Variants in NPAS3 observed in about 807,000 individuals in gnomAD.
The protein encoded by NPAS3 is neuronal PAS domain protein 3.
A neutral mutation model predicts 73.1 loss-of-function variants in NPAS3; 14 were observed. The ratio of observed to expected loss-of-function variants is 0.19; its 90% CI spans 0.13 to 0.30. NPAS3 has a LOEUF of 0.30. Ranked by LOEUF, NPAS3 falls within the 10% of genes least tolerant of loss-of-function variation. The pLI, the probability that NPAS3 is intolerant of heterozygous loss-of-function variation, is 1.00. For synonymous variants in NPAS3, 620 were observed against 541.5 expected (o/e 1.14, Z -2.01); for missense variants, 1,096 against 1,250.0 (o/e 0.88, Z 1.86).
chr14:33,752,246 AT>A (rs1013489101), intron 7 of NPAS3, among the ~76,000 whole-genome samples: 3 of 151,600 alleles, frequency 2.0e-5, no homozygotes, highest in South Asian at 2.1e-4. Context: ...ATTTTATTTT[AT>A]TTTTTTTCTT....
At chr14:33,110,693 A>G (rs752248097) in intron 2 of NPAS3, among the ~76,000 whole-genome samples, 10 of 152,132 alleles carry the variant, frequency 6.6e-5, no homozygotes, top group Non-Finnish European at 1.3e-4. Context: ...ATTCAGCACA[A>G]CATTTTTTCC....
At chr14:33,388,198 G>T (rs910675719) in intron 4 of NPAS3, among the ~76,000 whole-genome samples, 15 of 152,196 alleles carry the variant, frequency 9.9e-5, no homozygotes, top group Admixed American at 9.8e-4. Context: ...AGAAAAGTTG[G>T]CATTGGCATG....
chr14:33,328,570 G>A (rs1473638379), intron 3 of NPAS3, among the ~76,000 whole-genome samples: 4 of 141,468 alleles, frequency 2.8e-5, no homozygotes, highest in Admixed American at 1.5e-4. Flanking sequence ...TGGTTCAAGC[G>A]ATTCTCCTGC....
intron 1 of NPAS3, among the ~76,000 whole-genome samples, chr14:32,987,632 T>C (rs2038150880): frequency 6.6e-6 from 1 of 152,190 alleles, no homozygotes; most frequent in Non-Finnish European, 1.5e-5. Flanking sequence ...CAAATGATAA[T>C]AATTGATGAC....
In NPAS3 at chr14:33,163,532, T is replaced by G. The variant is rs949339235; in HGVS notation, c.141-51650T>G. On this transcript the variant is annotated intron_variant, in intron 2 of 11. Coordinates refer to ENST00000356141, the Ensembl canonical transcript of NPAS3. ...AAATCTTGTTAAACGTTTTAGCTATTGATATGGGCTGGATACTGAATTTAA... is the reference window on the plus strand; with the variant it reads ...AAATCTTGTTAAACGTTTTAGCTATGGATATGGGCTGGATACTGAATTTAA... 2.0e-5 allele frequency among the ~76,000 whole-genome samples: 3 copies of G among 152,224 alleles called. No homozygotes were observed. In the East Asian group the frequency reaches 5.8e-4, roughly 29 times the overall value.
At chr14:33,711,595 T>A (rs1372621129) in intron 6 of NPAS3, among the ~76,000 whole-genome samples, 3 of 152,212 alleles carry the variant, frequency 2.0e-5, no homozygotes, top group Non-Finnish European at 4.4e-5. Context: ...GCAGGATACT[T>A]ACAGTTGATT....
At chr14:33,282,557 G>A (rs539238218) in intron 3 of NPAS3, among the ~76,000 whole-genome samples, 3 of 152,142 alleles carry the variant, frequency 2.0e-5, no homozygotes, top group Admixed American at 1.3e-4. Flanking sequence ...TGTTTTAACC[G>A]TATTTCTAAA....
intron 7 of NPAS3, among the ~76,000 whole-genome samples, chr14:33,768,920 T>G (rs943163): frequency 6.6e-6 from 1 of 152,054 alleles, no homozygotes; most frequent in Non-Finnish European, 1.5e-5. Context: ...GGAAGCCATA[T>G]CCATTCTTTG....
intron 2 of NPAS3, among the ~76,000 whole-genome samples, chr14:33,063,173 G>C (rs1025116204): frequency 7.9e-5 from 12 of 152,158 alleles, no homozygotes; most frequent in African/African-American, 2.7e-4. Context: ...AGGTTGTTTT[G>C]AGGATGAATG....
chr14:33,494,618 T>C lies in NPAS3; in HGVS notation c.469-65503T>C, dbSNP rs189006123. 5.3e-5 allele frequency among the ~76,000 whole-genome samples: 8 copies of C among 152,228 alleles called. No individual in the cohort carries two copies. In the East Asian group the frequency reaches 1.4e-3, roughly 26 times the overall value. On this transcript the variant is annotated intron_variant, in intron 4 of 11. Coordinates refer to ENST00000356141, the Ensembl canonical transcript of NPAS3. Reference sequence around the variant, plus strand: ...TCTGAGAGAGACTTGTTCTAAGAGATGTAAAGTTTCAAAGGTCAGAAATAT... The same window carrying C: ...TCTGAGAGAGACTTGTTCTAAGAGACGTAAAGTTTCAAAGGTCAGAAATAT...
At position 33,410,030 on chromosome 14, in the gene NPAS3, T is replaced by G. The variant is rs559671369; in HGVS notation, c.468+42762T>G. On this transcript the variant is annotated intron_variant, in intron 4 of 11. Transcript: ENST00000356141. ...TTTGTAGCTCTAACATTGGCAAGTC[T>G]CATGTTGAGTTGATTTTTTTAAATC... is the stretch of plus-strand genomic sequence containing the variant. Among the ~76,000 whole-genome samples, 6 of 152,290 alleles carry G rather than the reference T, an allele frequency of 3.9e-5. No individual in the cohort carries two copies. In the South Asian group the frequency reaches 1.2e-3, roughly 32 times the overall value.
chr14:33,325,192 C>T (rs974229817), intron 3 of NPAS3, among the ~76,000 whole-genome samples: 26 of 151,848 alleles, frequency 1.7e-4, no homozygotes, highest in African/African-American at 6.1e-4. Flanking sequence ...TTTTTGTGGG[C>T]ACATAGTCCA....
At chr14:33,291,380 G>C (rs948309013) in intron 3 of NPAS3, among the ~76,000 whole-genome samples, 2 of 152,104 alleles carry the variant, frequency 1.3e-5, no homozygotes, top group African/African-American at 4.8e-5. Context: ...AGGTGAATCT[G>C]TTTTCTCTGA....
chr14:33,224,586 C>T (rs1850039939), intron 3 of NPAS3, among the ~76,000 whole-genome samples: 2 of 152,136 alleles, frequency 1.3e-5, no homozygotes, highest in African/African-American at 4.8e-5. Flanking sequence ...AAGTCAGTTA[C>T]AGAGTTGGAA....
At chr14:33,146,758 G>A (rs1274816331) in intron 2 of NPAS3, among the ~76,000 whole-genome samples, 2 of 152,230 alleles carry the variant, frequency 1.3e-5, no homozygotes, top group African/African-American at 4.8e-5. Context: ...CTCTCTGAAT[G>A]TTGGGATGCA....
At chr14:33,510,320 G>T (rs761036546) in intron 4 of NPAS3, among the ~76,000 whole-genome samples, 1 of 152,014 alleles carries the variant, frequency 6.6e-6, no homozygotes, top group African/African-American at 2.4e-5. Context: ...CCCAGGAAAG[G>T]AATTCAGGCT....
chr14:33,619,384 C>T (rs1265645683), intron 5 of NPAS3, among the ~76,000 whole-genome samples: 2 of 151,930 alleles, frequency 1.3e-5, no homozygotes, highest in Non-Finnish European at 2.9e-5. Flanking sequence ...AATAGGTTAG[C>T]CCATTATTGC....
At position 33,646,571 on chromosome 14, in the gene NPAS3, T is replaced by C. The variant is rs77900179; in HGVS notation, c.559-29640T>C. 2.6e-3 allele frequency among the ~76,000 whole-genome samples: 397 copies of C among 152,354 alleles called. 9 individuals are homozygous for C. In the East Asian group the frequency reaches 0.059, roughly 23 times the overall value. The stretch of plus-strand genomic sequence containing the variant: ...AGATTCATGCACTCATGTGATCTCA[T>C]AGTCCTTCATGGCTTGGGCCTGGAT... On this transcript the variant is annotated intron_variant, in intron 5 of 11. Coordinates refer to ENST00000356141, the Ensembl canonical transcript of NPAS3.
intron 1 of NPAS3, among the ~76,000 whole-genome samples, chr14:32,947,564 C>T (rs1317811906): frequency 6.6e-6 from 1 of 151,764 alleles, no homozygotes; most frequent in Non-Finnish European, 1.5e-5. Flanking sequence ...GTGTACACAG[C>T]ATATATATGT....
Sources: gnomAD v4.1 joint callset for allele counts (sites outside exome capture counted in the v4.1 genomes callset) on GRCh38, gnomAD v4.1.1 for gene constraint, MANE v1.5 for transcripts, NCBI Gene and HGNC (gene_info 2026-07-23, HGNC 2026-07-21) for gene names.